The following CFAP299 variants were observed in gnomAD, a reference collection of about 807,000 sequenced individuals.
CFAP299 encodes the protein cilia and flagella associated protein 299.
In CFAP299, 21 loss-of-function variants were observed where a neutral mutation model predicts 27.0. The observed-to-expected ratio is 0.78, with a 90% CI of 0.55 to 1.12. CFAP299 has a LOEUF of 1.12. Ranked by LOEUF, CFAP299 falls within the 50% of genes most tolerant of loss-of-function variation. The pLI is 0.00. For synonymous variants in CFAP299, 104 were observed against 98.1 expected, an observed-to-expected ratio of 1.06 and a Z score of -0.36; for missense variants, 310 against 276.6, an observed-to-expected ratio of 1.12 and a Z score of -0.86.
intron 2 of CFAP299, among the ~76,000 whole-genome samples, chr4:80,487,680 C>T (rs1730897666): frequency 6.6e-6 from 1 of 152,176 alleles, no homozygotes; most frequent in Non-Finnish European, 1.5e-5. Context: ...AGTATGGAAG[C>T]TGAGTGCATC....
intron 3 of CFAP299, among the ~76,000 whole-genome samples, chr4:80,743,559 T>C (rs939563899): frequency 3.9e-5 from 6 of 152,180 alleles, no homozygotes; most frequent in African/African-American, 1.4e-4. Flanking sequence ...CACTAGTTTC[T>C]TGCTTTCTCA....
At chr4:80,567,445 A>G (rs1447037837) in intron 2 of CFAP299, among the ~76,000 whole-genome samples, 1 of 152,072 alleles carries the variant, frequency 6.6e-6, no homozygotes, top group Admixed American at 6.6e-5. Context: ...CTTAAACCAC[A>G]AATCTCTCCA....
chr4:80,794,019 T>A (rs1308658812), intron 3 of CFAP299, among the ~76,000 whole-genome samples: 1 of 152,186 alleles, frequency 6.6e-6, no homozygotes, highest in Non-Finnish European at 1.5e-5. Context: ...CTGTTGTAGT[T>A]TCCCATTGAC....
chr4:80,949,112 T>C (rs1378474563), intron 5 of CFAP299, among the ~76,000 whole-genome samples: 1 of 152,160 alleles, frequency 6.6e-6, no homozygotes, highest in African/African-American at 2.4e-5. Context: ...TAGAACATGA[T>C]TTTGATTTAT....
chr4:80,397,513 G>T (rs555258972), intron 2 of CFAP299, among the ~76,000 whole-genome samples: 1 of 152,044 alleles, frequency 6.6e-6, no homozygotes, highest in East Asian at 1.9e-4. Context: ...TCTCTTGTGG[G>T]TATCTAAGCT....
At chr4:80,852,998 A>G (rs1731612107) in intron 3 of CFAP299, among the ~76,000 whole-genome samples, 1 of 151,916 alleles carries the variant, frequency 6.6e-6, no homozygotes. Context: ...ACTAAGGAGA[A>G]AGAAAGGCAA....
intron 4 of CFAP299, among the ~76,000 whole-genome samples, chr4:80,912,914 A>G (rs1735552083): frequency 3.3e-5 from 5 of 152,136 alleles, no homozygotes; most frequent in Non-Finnish European, 7.4e-5. Context: ...TGCGGAATAG[A>G]GGGGAAGCCA....
At chr4:80,810,007 T>G (rs1037249805) in intron 3 of CFAP299, among the ~76,000 whole-genome samples, 2 of 152,042 alleles carry the variant, frequency 1.3e-5, no homozygotes, top group African/African-American at 4.8e-5. Flanking sequence ...CGGTGAAATT[T>G]TAACATATTA....
chr4:80,678,108 A>C (rs1447017419), intron 3 of CFAP299, among the ~76,000 whole-genome samples: 1 of 151,756 alleles, frequency 6.6e-6, no homozygotes, highest in Non-Finnish European at 1.5e-5. Context: ...TGGGTATTTA[A>C]CCCTTGGGAT....
intron 4 of CFAP299, among the ~76,000 whole-genome samples, chr4:80,915,981 G>T (rs1216106881): frequency 1.3e-5 from 2 of 151,420 alleles, no homozygotes; most frequent in African/African-American, 2.4e-5. Flanking sequence ...TTATTTCAGG[G>T]CTGGGTGCAG....
At chr4:80,833,632 G>C (rs1730413417) in intron 3 of CFAP299, among the ~76,000 whole-genome samples, 1 of 152,124 alleles carries the variant, frequency 6.6e-6, no homozygotes, top group Non-Finnish European at 1.5e-5. Flanking sequence ...TCCATTTCCT[G>C]CATTCATTGT....
chr4:80,720,980 AT>A (rs1722777200), intron 3 of CFAP299, among the ~76,000 whole-genome samples: 2 of 152,204 alleles, frequency 1.3e-5, no homozygotes, highest in South Asian at 2.1e-4. Context: ...GAAGTGAAAA[AT>A]ATACTGGATA....
At chr4:80,386,846 C>G (rs1578383499) in intron 2 of CFAP299, 1 of 880,368 alleles carries the variant, frequency 1.1e-6, no homozygotes, top group South Asian at 1.3e-5. Context: ...CAACATGTCT[C>G]TCTTACAGTT....
chr4:80,956,895 T>C (rs1000257500), intron 5 of CFAP299, among the ~76,000 whole-genome samples: 14 of 152,202 alleles, frequency 9.2e-5, no homozygotes, highest in African/African-American at 3.4e-4. Context: ...AAAATTTATA[T>C]TCTTTTAAAG....
At chr4:80,532,086 A>G (rs891106487) in intron 2 of CFAP299, among the ~76,000 whole-genome samples, 2 of 152,080 alleles carry the variant, frequency 1.3e-5, no homozygotes, top group African/African-American at 4.8e-5. Flanking sequence ...GGGCTCTAGG[A>G]AAGATTTTTT....
chr4:80,691,878 C>G (rs546439392), intron 3 of CFAP299, among the ~76,000 whole-genome samples: 169 of 152,286 alleles, frequency 1.1e-3, no homozygotes, highest in African/African-American at 3.9e-3. Context: ...ACAAAAATCA[C>G]AATCATTCTT....
chr4:80,587,528 A>G (rs191910108), intron 3 of CFAP299, among the ~76,000 whole-genome samples: 2 of 152,194 alleles, frequency 1.3e-5, no homozygotes, highest in African/African-American at 2.4e-5. Context: ...CACTGCTGAG[A>G]TATTTATAGA....
chr4:80,445,355 T>G (rs1022034412), intron 2 of CFAP299, among the ~76,000 whole-genome samples: 1 of 152,196 alleles, frequency 6.6e-6, no homozygotes, highest in Non-Finnish European at 1.5e-5. Flanking sequence ...TAAAAAAGAA[T>G]GAGTTCATGT....
chr4:80,390,755 A>G (rs889713092), intron 2 of CFAP299, among the ~76,000 whole-genome samples: 3 of 119,006 alleles, frequency 2.5e-5, no homozygotes, highest in African/African-American at 1.4e-4. Context: ...ATATATACAC[A>G]CATATGTATA....
Sources: gnomAD v4.1 joint callset for allele counts (sites outside exome capture counted in the v4.1 genomes callset) on GRCh38, gnomAD v4.1.1 for gene constraint, MANE v1.5 for transcripts, NCBI Gene and HGNC (gene_info 2026-07-23, HGNC 2026-07-21) for gene names.